KIAA0319L: variants seen among roughly 807,000 people sequenced by gnomAD.
The protein encoded by KIAA0319L is dyslexia-associated protein KIAA0319-like protein.
Under a neutral mutation model 120.1 loss-of-function variants are expected in KIAA0319L, and 55 were observed. The ratio of observed to expected loss-of-function variants is 0.46; its 90% CI spans 0.37 to 0.57. KIAA0319L has a LOEUF of 0.57. Among genes scored for constraint, KIAA0319L ranks in the 20% least tolerant of loss-of-function variants. KIAA0319L has a pLI of 0.00. For missense variants in KIAA0319L, 1,049 were observed against 1,255.3 expected (o/e 0.84, Z 2.48); for synonymous variants, 398 against 471.9 (o/e 0.84, Z 2.03).
intron 7 of KIAA0319L, among the ~76,000 whole-genome samples, chr1:35,464,072 C>A (rs983829573): frequency 6.6e-6 from 1 of 152,148 alleles, no homozygotes; most frequent in Non-Finnish European, 1.5e-5. Context: ...TCGGGCATGT[C>A]TTTATCAGCA....
At position 35,552,298 on chromosome 1, in the gene KIAA0319L, C is replaced by T. The variant is rs150726320; in HGVS notation, c.142+2052G>A. ...CGGAGGTTGCAGTGAGCAGAGATCG[C>T]ACTGCGCCACTGCACTCCAGCCTGG... On this transcript the variant is annotated intron_variant, in intron 2 of 20. Coordinates refer to ENST00000325722, the MANE Select transcript of KIAA0319L (RefSeq NM_024874.5). Among the ~76,000 whole-genome samples the T allele has an allele frequency of 2.4e-3, 372 of 152,126 alleles. 2 individuals are homozygous for T. The highest frequency in any genetic ancestry group is 8.0e-3 in the African/African-American group (331 of 41,510).
chr1:35,529,474 T>G (rs909009242), intron 2 of KIAA0319L, among the ~76,000 whole-genome samples: 2 of 152,224 alleles, frequency 1.3e-5, no homozygotes, highest in African/African-American at 4.8e-5. Flanking sequence ...ACTCCCTTAA[T>G]CTTTTATTGT....
At chr1:35,550,710 C>T (rs1023627765) in intron 2 of KIAA0319L, among the ~76,000 whole-genome samples, 1 of 151,924 alleles carries the variant, frequency 6.6e-6, no homozygotes, top group African/African-American at 2.4e-5. Context: ...AGCATTTTCC[C>T]GTGTACTTTT....
chr1:35,545,963 A>T (rs1413988873), intron 2 of KIAA0319L, among the ~76,000 whole-genome samples: 1 of 152,108 alleles, frequency 6.6e-6, no homozygotes, highest in Admixed American at 6.5e-5. Context: ...TTTCATGGTT[A>T]TAGGGAATAA....
intron 2 of KIAA0319L, among the ~76,000 whole-genome samples, chr1:35,534,265 T>C (rs1340158383): frequency 6.6e-6 from 1 of 152,218 alleles, no homozygotes. Flanking sequence ...ATTAATAGGC[T>C]TTGTGTACAT....
At chr1:35,526,946 C>T (rs1319206076) in intron 2 of KIAA0319L, among the ~76,000 whole-genome samples, 3 of 152,142 alleles carry the variant, frequency 2.0e-5, no homozygotes, top group Non-Finnish European at 4.4e-5. Flanking sequence ...GGCATGGCAG[C>T]ATGCACCTAT....
At chr1:35,463,099 T>C (rs1381054806) in intron 7 of KIAA0319L, among the ~76,000 whole-genome samples, 5 of 152,204 alleles carry the variant, frequency 3.3e-5, no homozygotes, top group Non-Finnish European at 7.3e-5. Context: ...TACCTCCTGC[T>C]GTGCAGCCCA....
At chr1:35,530,362 G>A (rs536100350) in intron 2 of KIAA0319L, among the ~76,000 whole-genome samples, 55 of 152,172 alleles carry the variant, frequency 3.6e-4, no homozygotes, top group Admixed American at 1.0e-3. Context: ...TTATCATCTA[G>A]TTTATCGCTA....
chr1:35,552,279 T>G (rs1027959299), intron 2 of KIAA0319L, among the ~76,000 whole-genome samples: 1 of 152,038 alleles, frequency 6.6e-6, no homozygotes, highest in African/African-American at 2.4e-5. Flanking sequence ...GAGACGGAGG[T>G]TGCAGTGAGC....
At position 35,451,875 on chromosome 1, in the gene KIAA0319L, G is replaced by A. The variant is rs1038561620; in HGVS notation, c.1914-99C>T. The A allele has an allele frequency of 8.5e-5, 104 of 1,217,028 alleles. 1 individual carries two copies. The highest frequency in any genetic ancestry group is 2.9e-4 in the South Asian group (21 of 71,318). The allele number at this position is 1,217,028 out of a possible 1,614,324, so 75.4% of individuals were successfully genotyped here. Reference sequence around the variant, plus strand: ...ACAATGACTCCCTCAGCAAAGACACGAACTACTGTTACCCAGACCTTGACA... The same window carrying A: ...ACAATGACTCCCTCAGCAAAGACACAAACTACTGTTACCCAGACCTTGACA... On this transcript the variant is annotated intron_variant, in intron 12 of 20. Transcript: ENST00000325722.
At chr1:35,451,817 G>C (rs1284119782) in intron 12 of KIAA0319L, 41 bp from the exon 13 acceptor site, 19 of 1,605,454 alleles carry the variant, frequency 1.2e-5, no homozygotes, top group Non-Finnish European at 1.6e-5. Context: ...GTACCTGTCT[G>C]CTGCTGTCCT....
At chr1:35,474,345 T>C (rs2149131471) in intron 5 of KIAA0319L, among the ~76,000 whole-genome samples, 1 of 152,318 alleles carries the variant, frequency 6.6e-6, no homozygotes, top group Non-Finnish European at 1.5e-5. Context: ...GGATAATAAT[T>C]CCTACCTCAT....
At chr1:35,470,754 TA>T in intron 6 of KIAA0319L, 108 bp downstream of exon 6, 1 of 724,526 alleles carries the variant, frequency 1.4e-6, no homozygotes, top group Non-Finnish European at 2.5e-6. Flanking sequence ...GATTCATTTC[TA>T]AAAGACTGTT....
intron 2 of KIAA0319L, among the ~76,000 whole-genome samples, chr1:35,535,368 T>C (rs942997909): frequency 6.6e-6 from 1 of 152,138 alleles, no homozygotes; most frequent in African/African-American, 2.4e-5. Context: ...CAAAATCCCC[T>C]ATCAAGATCA....
At chr1:35,551,975 G>A (rs764999372) in intron 2 of KIAA0319L, among the ~76,000 whole-genome samples, 3 of 151,908 alleles carry the variant, frequency 2.0e-5, no homozygotes, top group Non-Finnish European at 4.4e-5. Flanking sequence ...AGAAAGACTT[G>A]GAATTGCTTC....
chr1:35,454,957 C>T (rs1349253130), intron 10 of KIAA0319L, among the ~76,000 whole-genome samples: 3 of 152,206 alleles, frequency 2.0e-5, no homozygotes, highest in Non-Finnish European at 2.9e-5. Flanking sequence ...CTGTCTCCTT[C>T]AGGTCTGTAC....
intron 3 of KIAA0319L, among the ~76,000 whole-genome samples, chr1:35,498,815 T>C (rs981591656): frequency 6.6e-6 from 1 of 152,174 alleles, no homozygotes; most frequent in Non-Finnish European, 1.5e-5. Context: ...AAACAACAGT[T>C]TATAAAAATT....
At chr1:35,497,750 G>A (rs79007587) in intron 3 of KIAA0319L, among the ~76,000 whole-genome samples, 2,932 of 152,246 alleles carry the variant, frequency 0.019, 40 homozygotes, top group Non-Finnish European at 0.032. Flanking sequence ...TATTTATAAC[G>A]ATTGCACAAT....
intron 2 of KIAA0319L, among the ~76,000 whole-genome samples, chr1:35,512,183 T>C (rs1310622094): frequency 2.0e-5 from 3 of 151,800 alleles, no homozygotes; most frequent in Non-Finnish European, 2.9e-5. Context: ...GGCAGAAGGA[T>C]TGCTGGAAAT....
Sources: allele counts gnomAD v4.1 joint callset (sites outside exome capture counted in the v4.1 genomes callset), GRCh38; gene constraint gnomAD v4.1.1; transcripts MANE v1.5; gene names NCBI Gene and HGNC (gene_info 2026-07-23, HGNC 2026-07-21).